Variants in HARBI1 observed in about 807,000 individuals in gnomAD.
HARBI1 encodes the protein putative nuclease HARBI1.
HARBI1 carries 15 observed loss-of-function variants against 25.3 expected under a neutral mutation model. That is an observed-to-expected ratio of 0.59 (90% CI 0.40 to 0.91). HARBI1 has a LOEUF of 0.91. HARBI1 is among the 40% of genes least tolerant of loss of function. The pLI, the probability that HARBI1 is intolerant of heterozygous loss-of-function variation, is 0.00. For missense variants in HARBI1, 396 were observed against 445.8 expected (o/e 0.89, Z 1.01); for synonymous variants, 168 against 160.5 (o/e 1.05, Z -0.35).
chr11:46,605,737 G>A (rs185978272), intron 2 of HARBI1, among the ~76,000 whole-genome samples: 198 of 151,352 alleles, frequency 1.3e-3, no homozygotes, highest in Middle Eastern at 3.5e-3. Context: ...ACAGGCACAC[G>A]CCACCACGCC....
Position 46,603,724 on chromosome 11 carries a change from C to T in HARBI1, c.856G>A (p.Glu286Lys). The part of the protein sequence containing the change: ...GSKGALQYSP[E>K]KSSHIILACC... ...GCCAAGATGATATGGCTGGATTTCTCTGGTGAGTACTGCAGTGCCCCCTTG... is the reference window on the plus strand; with the variant it reads ...GCCAAGATGATATGGCTGGATTTCTTTGGTGAGTACTGCAGTGCCCCCTTG... The change falls in exon 3 of 3, where the codon GAG becomes AAG. Residue 286 changes from glutamate (E) to lysine (K), a missense_variant. Coordinates refer to ENST00000326737, the MANE Select transcript of HARBI1 (RefSeq NM_173811.4). 6.2e-7 allele frequency: 1 copy of T among 1,614,152 alleles called. No individual in the cohort carries two copies. The highest frequency in any genetic ancestry group is 8.5e-7 in the Non-Finnish European group (1 of 1,180,032).
chr11:46,611,046 C>T (rs1200800264), intron 2 of HARBI1, among the ~76,000 whole-genome samples: 1 of 119,366 alleles, frequency 8.4e-6, no homozygotes, highest in African/African-American at 3.2e-5. Flanking sequence ...CTTGCTCTGT[C>T]TCCCAGGCTG....
intron 2 of HARBI1, among the ~76,000 whole-genome samples, chr11:46,612,286 C>CA (rs930396410): frequency 1.3e-4 from 19 of 151,660 alleles, no homozygotes; most frequent in African/African-American, 4.4e-4. Flanking sequence ...GACCCAATCT[C>CA]AAAAAAACAA....
chr11:46,609,918 T>G (rs1462434291), intron 2 of HARBI1, among the ~76,000 whole-genome samples: 1 of 148,110 alleles, frequency 6.8e-6, no homozygotes, highest in African/African-American at 2.5e-5. Flanking sequence ...AATGGTGCAA[T>G]CTCGGCTCAC....
intron 2 of HARBI1, 75 bp downstream of exon 2, chr11:46,615,493 G>A: frequency 7.8e-7 from 1 of 1,274,134 alleles, no homozygotes; most frequent in Non-Finnish European, 1.1e-6. Flanking sequence ...CTGGGGTTGT[G>A]TGAGCCACCG....
At chr11:46,608,818 T>C (rs1364842503) in intron 2 of HARBI1, among the ~76,000 whole-genome samples, 1 of 151,938 alleles carries the variant, frequency 6.6e-6, no homozygotes, top group Non-Finnish European at 1.5e-5. Context: ...TTTCACCATG[T>C]TGGCCAGGCT....
Position 46,616,128 on chromosome 11 carries a change from G to C in HARBI1, c.110C>G (p.Ser37Cys), listed in dbSNP as rs768672905. The C allele has an allele frequency of 2.1e-5, 34 of 1,614,044 alleles. No homozygotes were observed. The highest frequency in any genetic ancestry group is 2.8e-5 in the Non-Finnish European group (33 of 1,180,034). Residue 37 changes from serine to cysteine, a missense_variant, in exon 2 of 3, where the codon TCC becomes TGC. By Grantham distance (112) the Ser-to-Cys change is moderately radical. Coordinates refer to ENST00000326737, the MANE Select transcript of HARBI1 (RefSeq NM_173811.4). ...GAACTGCCGTGGAAACCCATACATG[G>C]ACATCAAGTATTCATCAGTCACATC... ...LDDVTDEYLM[S>C]MYGFPRQFIY...
intron 2 of HARBI1, among the ~76,000 whole-genome samples, chr11:46,608,250 A>G (rs886774090): frequency 1.1e-4 from 16 of 152,170 alleles, no homozygotes; most frequent in Admixed American, 1.0e-3. Flanking sequence ...GTGAGCTGAG[A>G]TCGCCCCATT....
Position 46,603,315 on chromosome 11 carries a change from G to T in HARBI1, c.*215C>A. 1 of 479,490 alleles carries T rather than the reference G, an allele frequency of 2.1e-6. No homozygotes were observed. Among genetic ancestry groups the T allele is most frequent in the Non-Finnish European group, 3.7e-6 (1 of 269,422 alleles). The allele number at this position is 479,490 out of a possible 1,614,324, so 29.7% of individuals were successfully genotyped here. On this transcript the variant is annotated 3_prime_UTR_variant, in exon 3 of 3. Coordinates refer to ENST00000326737, the MANE Select transcript of HARBI1 (RefSeq NM_173811.4). Reference sequence around the variant, plus strand: ...CCTAGAGTTCACTGGATAGTAGGGAGCCGCTGTCTTGGTTTCAGTTTAATT... The same window carrying T: ...CCTAGAGTTCACTGGATAGTAGGGATCCGCTGTCTTGGTTTCAGTTTAATT...
At chr11:46,612,953 T>TGA (rs1341986832) in intron 2 of HARBI1, among the ~76,000 whole-genome samples, 5 of 141,140 alleles carry the variant, frequency 3.5e-5, no homozygotes, top group Non-Finnish European at 6.0e-5. Context: ...ATTATAGGCA[T>TGA]GAGCCACCAC....
chr11:46,609,619 G>A (rs1160355188), intron 2 of HARBI1, among the ~76,000 whole-genome samples: 1 of 73,998 alleles, frequency 1.4e-5, no homozygotes, highest in Admixed American at 1.1e-4. Context: ...CCGGCCTGAG[G>A]AAATCAGTTT....
chr11:46,609,296 G>A (rs149402042), intron 2 of HARBI1, among the ~76,000 whole-genome samples: 112 of 151,774 alleles, frequency 7.4e-4, no homozygotes, highest in African/African-American at 2.2e-3. Flanking sequence ...CTCTGACCTC[G>A]TTATCCACCT....
At chr11:46,604,155 C>A in intron 2 of HARBI1, 1 of 985,370 alleles carries the variant, frequency 1.0e-6, no homozygotes, top group Non-Finnish European at 1.2e-6. Context: ...ACGCTGGCAC[C>A]TAAAGGAAGC....
At chr11:46,617,101 G>T in intron 1 of HARBI1, 23 bp downstream of exon 1, 1 of 657,336 alleles carries the variant, frequency 1.5e-6, no homozygotes, top group Non-Finnish European at 1.9e-6. Flanking sequence ...CGGCCACTCA[G>T]TTAGCCCAGG....
At position 46,610,614 on chromosome 11, in the gene HARBI1, C is replaced by T. The variant is rs181444143; in HGVS notation, c.670+4954G>A. Among the ~76,000 whole-genome samples, 730 of 152,126 alleles carry T rather than the reference C, an allele frequency of 4.8e-3. 11 individuals carry two copies. Among genetic ancestry groups the T allele is most frequent in the African/African-American group, 0.017 (710 of 41,534 alleles). On this transcript the variant is annotated intron_variant, in intron 2 of 2. Transcript: ENST00000326737. ...GGCGGAGCTTGCAGTGAGCCGAGAT[C>T]GCACCACTGCACTCCAGCTGGGCGA...
chr11:46,609,433 A>C (rs1591244404), intron 2 of HARBI1, among the ~76,000 whole-genome samples: 1 of 150,970 alleles, frequency 6.6e-6, no homozygotes, highest in African/African-American at 2.4e-5. Context: ...TGCAACCTCC[A>C]CCTACCAGGA....
intron 2 of HARBI1, among the ~76,000 whole-genome samples, chr11:46,611,287 G>A (rs895091170): frequency 6.6e-6 from 1 of 152,134 alleles, no homozygotes; most frequent in Non-Finnish European, 1.5e-5. Flanking sequence ...GATTACAGGC[G>A]TGAGCCACCG....
At position 46,603,740 on chromosome 11, in the gene HARBI1, T is replaced by G; in HGVS notation, c.840A>C (p.Ala280=). Residue 280 remains alanine (A), a synonymous_variant, in exon 3 of 3, where the codon GCA becomes GCC. Transcript: ENST00000326737. ...RFRCLDGSKG[A]LQYSPEKSSH... ...TGGATTTCTCTGGTGAGTACTGCAGTGCCCCCTTGGATCCATCCAGGCAGC... is the reference window on the plus strand; with the variant it reads ...TGGATTTCTCTGGTGAGTACTGCAGGGCCCCCTTGGATCCATCCAGGCAGC... The G allele has an allele frequency of 6.2e-7, 1 of 1,614,122 alleles. No homozygotes were observed. Among genetic ancestry groups the G allele is most frequent in the Non-Finnish European group, 8.5e-7 (1 of 1,180,016 alleles).
intron 2 of HARBI1, among the ~76,000 whole-genome samples, chr11:46,612,717 C>A (rs956393573): frequency 8.0e-5 from 12 of 150,194 alleles, no homozygotes; most frequent in African/African-American, 2.7e-4. Flanking sequence ...GTTGCCCAGG[C>A]TGGAGTGCAA....
Sources: allele counts gnomAD v4.1 joint callset (sites outside exome capture counted in the v4.1 genomes callset), GRCh38; gene constraint gnomAD v4.1.1; transcripts MANE v1.5; gene names NCBI Gene and HGNC (gene_info 2026-07-23, HGNC 2026-07-21).